Variants in PCBP3 observed in about 807,000 individuals in gnomAD.
PCBP3 encodes poly(rC) binding protein 3, also known as poly(rC)-binding protein 3.
PCBP3 carries 25 observed loss-of-function variants against 52.7 expected under a neutral mutation model. That is an observed-to-expected ratio of 0.47 (90% confidence interval 0.35 to 0.66). The LOEUF (loss-of-function observed/expected upper bound fraction) is 0.66, where lower values mean the gene tolerates loss of function less well. Ranked by LOEUF, PCBP3 falls within the 30% of genes least tolerant of loss-of-function variation. The pLI is 0.01. For synonymous variants in PCBP3, 162 were observed against 183.0 expected, an observed-to-expected ratio of 0.89 and a Z score of 0.93; for missense variants, 391 against 490.3, an observed-to-expected ratio of 0.80 and a Z score of 1.91.
chr21:45,929,823 A>C, intron 13 of PCBP3, 94 bp from the exon 14 acceptor site: 1 of 901,514 alleles, frequency 1.1e-6, no homozygotes, highest in Non-Finnish European at 1.9e-6. Flanking sequence ...CTTTCTATCT[A>C]TCTGTGCAAA....
intron 4 of PCBP3, among the ~76,000 whole-genome samples, chr21:45,803,715 C>T (rs898307102): frequency 6.6e-6 from 1 of 152,298 alleles, no homozygotes; most frequent in South Asian, 2.1e-4. Flanking sequence ...TGGGGTAACC[C>T]AGAGGAACCT....
In PCBP3 at chr21:45,813,507, TC is replaced by T. The variant is rs559968578; in HGVS notation, c.-125-36453del. On this transcript the variant is annotated intron_variant, in intron 4 of 17. Coordinates refer to ENST00000681687, the MANE Select transcript of PCBP3 (RefSeq NM_001384156.1). ...CCCAGGCTGGAGTGCAGTGGCACGA[TC>T]TCAGCTCACTGCAACCTCTGCCTCC... Among the ~76,000 whole-genome samples, 264 of 152,338 alleles carry T rather than the reference TC, an allele frequency of 1.7e-3. 2 individuals are homozygous for T. Among genetic ancestry groups the T allele is most frequent in the Non-Finnish European group, 3.4e-3 (229 of 68,024 alleles).
chr21:45,923,107 G>T (rs757856498), intron 13 of PCBP3, among the ~76,000 whole-genome samples: 1 of 152,258 alleles, frequency 6.6e-6, no homozygotes, highest in Admixed American at 6.5e-5. Flanking sequence ...TGAAGGGCAC[G>T]CGTGGGCTCT....
In PCBP3 at chr21:45,900,994, T is replaced by TA; in HGVS notation, c.223-2dup. On this transcript the variant is annotated splice_region_variant and splice_polypyrimidine_tract_variant and intron_variant, in intron 8 of 17. Transcript: ENST00000681687. The stretch of plus-strand genomic sequence containing the variant: ...CGCTGGGGTTTCTCTGCTCTCACCT[T>TA]AGAGTGGTGCAAGGATCAACATCTC... 6.2e-7 allele frequency: 1 copy of TA among 1,609,848 alleles called. No individual in the cohort carries two copies.
chr21:45,740,410 G>A (rs1173920924), intron 3 of PCBP3, among the ~76,000 whole-genome samples: 1 of 152,184 alleles, frequency 6.6e-6, no homozygotes, highest in African/African-American at 2.4e-5. Flanking sequence ...CAGCCAGATT[G>A]GCAAATTGAT....
At chr21:45,760,595 A>G (rs547969468) in intron 4 of PCBP3, 1 of 152,366 alleles carries the variant, frequency 6.6e-6, no homozygotes, top group South Asian at 2.1e-4. Flanking sequence ...GTGTGGGGAC[A>G]TTAGGCTTTG....
At chr21:45,728,185 A>G (rs1165702889) in intron 2 of PCBP3, among the ~76,000 whole-genome samples, 1 of 152,214 alleles carries the variant, frequency 6.6e-6, no homozygotes, top group East Asian at 1.9e-4. Flanking sequence ...AGGGGTAAAC[A>G]TTCAGTTTTC....
chr21:45,676,516 A>G (rs1398328916), intron 2 of PCBP3, among the ~76,000 whole-genome samples: 2 of 151,996 alleles, frequency 1.3e-5, no homozygotes, highest in African/African-American at 4.8e-5. Context: ...CATTATTATT[A>G]TATCTGTTAT....
chr21:45,894,147 G>GA, intron 5 of PCBP3: 1 of 484,812 alleles, frequency 2.1e-6, no homozygotes, highest in Non-Finnish European at 2.7e-6. Context: ...CTGAGTCCCA[G>GA]GTGACCCGCA....
intron 16 of PCBP3, among the ~76,000 whole-genome samples, chr21:45,935,786 G>C (rs372293518): frequency 1.8e-4 from 28 of 152,342 alleles, no homozygotes; most frequent in East Asian, 1.2e-3. Context: ...ATTCCTTCTA[G>C]CACTCGTCAG....
chr21:45,839,757 G>A (rs1359134774), intron 4 of PCBP3, among the ~76,000 whole-genome samples: 1 of 152,140 alleles, frequency 6.6e-6, no homozygotes, highest in Non-Finnish European at 1.5e-5. Context: ...TACGAACTCG[G>A]CTCACTGCAG....
chr21:45,936,686 T>C (rs1478238938), intron 16 of PCBP3, among the ~76,000 whole-genome samples: 1 of 152,268 alleles, frequency 6.6e-6, no homozygotes, highest in Admixed American at 6.5e-5. Context: ...TGTGGGGTTT[T>C]CCTTCTTTGG....
rs2091319812 is a variant in PCBP3 at position 45,788,612 on chromosome 21, T to A, written c.-126+33160T>A. Reference sequence around the variant, plus strand: ...CTTTGCTTGACCGTTCTCTTGAGGTTCTTAACCCTGAACTGCACCCGACTC... The same window carrying A: ...CTTTGCTTGACCGTTCTCTTGAGGTACTTAACCCTGAACTGCACCCGACTC... On this transcript the variant is annotated intron_variant, in intron 4 of 17. Transcript: ENST00000681687. This position sits in a 1 kb window ranked among gnomAD's most constrained non-coding sequence, Gnocchi z 4.3. 1 of 152,332 alleles carries A rather than the reference T, an allele frequency of 6.6e-6. No homozygotes were observed. The highest frequency in any genetic ancestry group is 1.5e-5 in the Non-Finnish European group (1 of 68,154). The allele number at this position is 152,332 out of a possible 1,614,324, so 9.4% of individuals were successfully genotyped here. A position where few individuals can be genotyped will look rare whatever the true frequency, so the allele number is the denominator to read the frequency against.
chr21:45,931,989 C>A (rs895473835), intron 15 of PCBP3, among the ~76,000 whole-genome samples: 4 of 151,960 alleles, frequency 2.6e-5, no homozygotes, highest in Non-Finnish European at 5.9e-5. Flanking sequence ...CTGGGCCATG[C>A]TGTCCCGAGA....
At chr21:45,676,665 G>T (rs183098340) in intron 2 of PCBP3, among the ~76,000 whole-genome samples, 1 of 152,034 alleles carries the variant, frequency 6.6e-6, no homozygotes, top group East Asian at 1.9e-4. Flanking sequence ...TGGGGCCTCC[G>T]TATGCCCTGA....
At chr21:45,808,631 C>T (rs1040659259) in intron 4 of PCBP3, among the ~76,000 whole-genome samples, 8 of 152,120 alleles carry the variant, frequency 5.3e-5, no homozygotes, top group African/African-American at 1.9e-4. Flanking sequence ...GACAGTATGG[C>T]GATTCCTCAA....
At chr21:45,774,555 T>C (rs1028165525) in intron 4 of PCBP3, among the ~76,000 whole-genome samples, 8 of 152,196 alleles carry the variant, frequency 5.3e-5, no homozygotes, top group African/African-American at 1.7e-4. Flanking sequence ...TCCAGTATTA[T>C]GTTGAATAGG....
chr21:45,914,428 T>C, intron 12 of PCBP3: 1 of 396,048 alleles, frequency 2.5e-6, no homozygotes, highest in Admixed American at 4.5e-5. Flanking sequence ...GTTCCCAAAC[T>C]CCCAGGATGT....
In PCBP3 at chr21:45,917,911, C is replaced by A; in HGVS notation, c.717+282C>A. On this transcript the variant is annotated intron_variant, in intron 13 of 17. Coordinates refer to ENST00000681687, the MANE Select transcript of PCBP3 (RefSeq NM_001384156.1). The surrounding 1 kb of genome is among the most constrained non-coding windows in gnomAD (Gnocchi z 5.3). Reference sequence around the variant, plus strand: ...CACGGGGCCTGGGAGGGAACTGAGACGGGCTCTGTCCCCGTGCAGGGCAGT... The same window carrying A: ...CACGGGGCCTGGGAGGGAACTGAGAAGGGCTCTGTCCCCGTGCAGGGCAGT... 2.2e-6 allele frequency: 1 copy of A among 464,348 alleles called. No homozygotes were observed. Among genetic ancestry groups the A allele is most frequent in the Non-Finnish European group, 4.0e-6 (1 of 247,966 alleles). 28.8% of individuals were successfully genotyped at this position (464,348 alleles called of 1,614,324 possible). A position where few individuals can be genotyped will look rare whatever the true frequency, so the allele number is the denominator to read the frequency against.
Sources: gnomAD v4.1 joint callset for allele counts (sites outside exome capture counted in the v4.1 genomes callset) on GRCh38, gnomAD v4.1.1 for gene constraint, Gnocchi (gnomAD v3.1) non-coding constraint, MANE v1.5 for transcripts, NCBI Gene and HGNC (gene_info 2026-07-23, HGNC 2026-07-21) for gene names.